RANBP2: variants seen among roughly 807,000 people sequenced by gnomAD.
RANBP2 encodes E3 SUMO-protein ligase RanBP2.
Under a neutral mutation model 303.6 loss-of-function variants are expected in RANBP2, and 57 were observed. The ratio of observed to expected loss-of-function variants is 0.19; its 90% CI spans 0.15 to 0.23. The LOEUF is 0.23. Among genes scored for constraint, RANBP2 ranks in the 10% least tolerant of loss-of-function variants. RANBP2 has a pLI of 1.00. For synonymous variants in RANBP2, 1,167 were observed against 1,301.5 expected, an observed-to-expected ratio of 0.90 and a Z score of 2.23; for missense variants, 3,138 against 3,780.8, an observed-to-expected ratio of 0.83 and a Z score of 4.46.
At chr2:109,649,877 T>G in the RANBP2 span, among the ~76,000 whole-genome samples, 1 of 152,226 alleles carries the variant, frequency 6.6e-6, no homozygotes, top group Non-Finnish European at 1.5e-5. Flanking sequence ...AGAAAAACAT[T>G]GGCTACTTCT....
chr2:108,791,113 ATATAT>A, the RANBP2 span, among the ~76,000 whole-genome samples: 430 of 152,226 alleles, frequency 2.8e-3, 3 homozygotes, highest in African/African-American at 9.3e-3. Context: ...AAACTTTTAG[ATATAT>A]TATATTAACT....
At chr2:109,239,715 C>T in the RANBP2 span, among the ~76,000 whole-genome samples, 3 of 152,272 alleles carry the variant, frequency 2.0e-5, no homozygotes, top group Middle Eastern at 3.4e-3. Context: ...GTTGCTCTGC[C>T]AAGTGCTCCA....
At chr2:108,929,403 G>C in the RANBP2 span, 1 of 1,612,986 alleles carries the variant, frequency 6.2e-7, no homozygotes, top group Non-Finnish European at 8.5e-7. Context: ...GAGGACAGGG[G>C]ACACAGGTGA....
chr2:109,414,709 C>G, the RANBP2 span, among the ~76,000 whole-genome samples: 2 of 152,304 alleles, frequency 1.3e-5, no homozygotes, highest in African/African-American at 4.8e-5. Flanking sequence ...TGAGACATCT[C>G]CAGGCACACC....
chr2:109,004,517 G>A, the RANBP2 span, among the ~76,000 whole-genome samples: 21 of 152,306 alleles, frequency 1.4e-4, no homozygotes, highest in African/African-American at 4.8e-4. Flanking sequence ...TTCGGAAAGC[G>A]CTGCCAGAGT....
At chr2:109,555,090 T>C in the RANBP2 span, among the ~76,000 whole-genome samples, 1 of 152,210 alleles carries the variant, frequency 6.6e-6, no homozygotes, top group South Asian at 2.1e-4. Flanking sequence ...TCTGAGCTTC[T>C]AGTTCCTCTT....
intron 23 of RANBP2, among the ~76,000 whole-genome samples, chr2:108,775,041 T>C (rs1677778013): frequency 6.6e-6 from 1 of 152,192 alleles, no homozygotes. Flanking sequence ...AGATCATTCT[T>C]TATTTCTAGT....
At chr2:108,809,451 TGTG>T in the RANBP2 span, among the ~76,000 whole-genome samples, 195 of 25,954 alleles carry the variant, frequency 7.5e-3, 1 homozygote, top group Middle Eastern at 0.016. Flanking sequence ...TGAAATGTTG[TGTG>T]TGTGTGTGTG....
At chr2:109,686,407 C>T in the RANBP2 span, among the ~76,000 whole-genome samples, 2 of 152,120 alleles carry the variant, frequency 1.3e-5, no homozygotes, top group Non-Finnish European at 2.9e-5. Context: ...CTCTGCCTCC[C>T]GGGTTCACGC....
chr2:109,779,706 G>A, the RANBP2 span, among the ~76,000 whole-genome samples: 2 of 10,134 alleles, frequency 2.0e-4, no homozygotes, highest in African/African-American at 3.0e-4. Context: ...TTGCTTATTG[G>A]ATTTGGGAAT....
chr2:109,168,632 C>G, the RANBP2 span, among the ~76,000 whole-genome samples: 1 of 151,556 alleles, frequency 6.6e-6, no homozygotes, highest in Non-Finnish European at 1.5e-5. Flanking sequence ...TCTTACAAAT[C>G]GATGCCATGG....
At chr2:109,765,521 A>C in the RANBP2 span, among the ~76,000 whole-genome samples, 5 of 150,448 alleles carry the variant, frequency 3.3e-5, no homozygotes, top group African/African-American at 1.2e-4. Context: ...CTGCAATCCA[A>C]GGCTGACACT....
the RANBP2 span, among the ~76,000 whole-genome samples, chr2:109,011,782 T>C: frequency 7.3e-4 from 111 of 152,342 alleles, 2 homozygotes; most frequent in East Asian, 0.02. Flanking sequence ...ATTGAATCTT[T>C]AATTTCTGCT....
chr2:109,020,973 G>A, the RANBP2 span, among the ~76,000 whole-genome samples: 2 of 152,176 alleles, frequency 1.3e-5, no homozygotes, highest in African/African-American at 2.4e-5. Flanking sequence ...ACACCCAGGC[G>A]ACTCCCCAGC....
chr2:109,170,239 TTTCTTTTCTCTTCTCTTCTCTTCTC>T, the RANBP2 span, among the ~76,000 whole-genome samples: 16,709 of 133,242 alleles, frequency 0.13, 1,497 homozygotes, highest in African/African-American at 0.14. Context: ...CTTCTCTTCT[TTTCTTTTCTCTTCTCTTCTCTTCTC>T]TTCTCTTCTC....
the RANBP2 span, among the ~76,000 whole-genome samples, chr2:109,606,571 A>G: frequency 6.6e-6 from 1 of 151,780 alleles, no homozygotes; most frequent in African/African-American, 2.4e-5. Context: ...CTACTTTATT[A>G]CCTGCAAAGA....
intron 20 of RANBP2, among the ~76,000 whole-genome samples, chr2:108,770,771 A>G (rs549259493): frequency 3.3e-4 from 50 of 152,384 alleles, no homozygotes; most frequent in African/African-American, 1.2e-3. Context: ...TAATTAATAT[A>G]AAAATTAATG....
the RANBP2 span, among the ~76,000 whole-genome samples, chr2:108,978,785 C>T: frequency 0.021 from 3,188 of 152,196 alleles, 98 homozygotes; most frequent in East Asian, 0.083. Context: ...GGAGAAAAGA[C>T]GGGAAAATCC....
the RANBP2 span, among the ~76,000 whole-genome samples, chr2:109,465,922 C>T: frequency 3.3e-5 from 5 of 152,078 alleles, no homozygotes; most frequent in East Asian, 1.9e-4. Context: ...ACCAAGGATC[C>T]GTCCCCACGA....
Sources: allele counts gnomAD v4.1 joint callset (sites outside exome capture counted in the v4.1 genomes callset), GRCh38; gene constraint gnomAD v4.1.1; transcripts MANE v1.5; gene names NCBI Gene and HGNC (gene_info 2026-07-23, HGNC 2026-07-21).